CARM1: variants seen among roughly 807,000 people sequenced by gnomAD.
The protein encoded by CARM1 is coactivator associated arginine methyltransferase 1.
In CARM1, 14 loss-of-function variants were observed where a neutral mutation model predicts 72.7. That is an observed-to-expected ratio of 0.19 (90% confidence interval 0.13 to 0.30). CARM1 has a LOEUF of 0.30. CARM1 is among the 10% of genes least tolerant of loss of function. CARM1 has a pLI of 1.00. For synonymous variants in CARM1, 333 were observed against 345.5 expected (o/e 0.96, Z 0.40); for missense variants, 432 against 833.7 (o/e 0.52, Z 5.93).
At position 10,871,571 on chromosome 19, in the gene CARM1, TGCGGCGGCGGTAGCGGCAGCGGCGGCG is replaced by T. The variant is rs1480519717; in HGVS notation, c.-121_-95del. The stretch of plus-strand genomic sequence containing the variant: ...GCTCGGCCTCGGCCTGCACGGCGGC[TGCGGCGGCGGTAGCGGCAGCGGCGGCG>T]GCGGCGGCGGCGGCGGCGGCGGCGG... On this transcript the variant is annotated 5_prime_UTR_variant, in exon 1 of 16. Transcript: ENST00000327064. The surrounding 1 kb of genome is among the most constrained non-coding windows in gnomAD (Gnocchi z 5.6). 7.0e-5 allele frequency: 8 copies of T among 114,812 alleles called. No homozygotes were observed. The highest frequency in any genetic ancestry group is 1.2e-4 in the Non-Finnish European group (7 of 56,206). The allele number at this position is 114,812 out of a possible 1,614,324, so 7.1% of individuals were successfully genotyped here. A position where few individuals can be genotyped will look rare whatever the true frequency, so the allele number is the denominator to read the frequency against.
At position 10,915,759 on chromosome 19, in the gene CARM1, G is replaced by A. The variant is rs2074190935; in HGVS notation, c.848-648G>A. ...CTCCTTGGGGCAGGCGGGGCTGCGG[G>A]GCCCTGATCCTCCCTGCCACTGGCC... is the stretch of plus-strand genomic sequence containing the variant. On this transcript the variant is annotated intron_variant, in intron 6 of 15. Coordinates refer to ENST00000327064, the MANE Select transcript of CARM1 (RefSeq NM_199141.2). The surrounding 1 kb of genome is among the most constrained non-coding windows in gnomAD (Gnocchi z 4.6). Among the ~76,000 whole-genome samples the A allele has an allele frequency of 1.3e-5, 2 of 152,136 alleles. No individual in the cohort carries two copies. Among genetic ancestry groups the A allele is most frequent in the Admixed American group, 6.5e-5 (1 of 15,272 alleles).
At chr19:10,914,163 G>A (rs1343619556) in intron 6 of CARM1, 109 bp downstream of exon 6, 4 of 1,144,926 alleles carry the variant, frequency 3.5e-6, no homozygotes, top group Non-Finnish European at 4.9e-6. Context: ...GGCCCGGGGT[G>A]TAGGGAAGCC....
intron 6 of CARM1, among the ~76,000 whole-genome samples, chr19:10,914,524 C>T (rs1329920111): frequency 2.0e-5 from 3 of 152,158 alleles, no homozygotes; most frequent in Non-Finnish European, 4.4e-5. Flanking sequence ...ACTTCCCATC[C>T]GTGCCTCTGG....
At chr19:10,921,254 C>A in intron 14 of CARM1, 121 bp from the exon 15 acceptor site, 1 of 1,432,484 alleles carries the variant, frequency 7.0e-7, no homozygotes, top group Non-Finnish European at 9.8e-7. Flanking sequence ...TTCCTGGGGG[C>A]TCTCGGCCGA....
In CARM1 at chr19:10,911,012, G is replaced by A. The variant is rs574437405; in HGVS notation, c.559-1172G>A. On this transcript the variant is annotated intron_variant, in intron 4 of 15. Coordinates refer to ENST00000327064, the MANE Select transcript of CARM1 (RefSeq NM_199141.2). ...TTCAAGCGATTTTTGTGCCTCAGCC[G>A]GCCAAGTAGCTGGGATTACAGTCAT... Among the ~76,000 whole-genome samples, 631 of 151,986 alleles carry A rather than the reference G, an allele frequency of 4.2e-3. 6 individuals are homozygous for A. Among genetic ancestry groups the A allele is most frequent in the African/African-American group, 0.015 (602 of 41,454 alleles).
At chr19:10,876,169 G>A (rs945771225) in intron 1 of CARM1, among the ~76,000 whole-genome samples, 1 of 152,008 alleles carries the variant, frequency 6.6e-6, no homozygotes, top group African/African-American at 2.4e-5. Flanking sequence ...GTGAGCCACC[G>A]CCACCAGCCT....
At position 10,905,067 on chromosome 19, in the gene CARM1, A is replaced by G. The variant is rs376207660; in HGVS notation, c.337A>G (p.Thr113Ala). Reference sequence around the variant, plus strand: ...CAACAGCGTCCTCATCCAGTTCGCCACACCCAACGGTACGTGGCCCTCCTT... The same window carrying G: ...CAACAGCGTCCTCATCCAGTTCGCCGCACCCAACGGTACGTGGCCCTCCTT... ...GCNSVLIQFA[T>A]PNDFCSFYNI... Residue 113 changes from threonine to alanine, a missense_variant, in exon 2 of 16, where the codon ACA (threonine) becomes GCA (alanine). By Grantham distance (58) the Thr-to-Ala change is moderately conservative. Around this residue, in one of 3 missense-constraint regions of CARM1, gnomAD observed 138 missense variants for 192.3 expected, o/e 0.72. Transcript: ENST00000327064. 6.2e-7 allele frequency: 1 copy of G among 1,613,756 alleles called. No homozygotes were observed. Among genetic ancestry groups the G allele is most frequent in the Non-Finnish European group, 8.5e-7 (1 of 1,179,988 alleles).
Position 10,917,811 on chromosome 19 carries a change from G to C in CARM1, c.1020+1034G>C, listed in dbSNP as rs1007901086. 2.0e-5 allele frequency among the ~76,000 whole-genome samples: 3 copies of C among 147,750 alleles called. No homozygotes were observed. In the East Asian group the frequency reaches 6.2e-4, roughly 31 times the overall value. ...CAGCTCACTGCAACCTCCACTTTCC[G>C]GGCTCAAGCGATTCTCAGACTCCTG... On this transcript the variant is annotated intron_variant, in intron 8 of 15. Coordinates refer to ENST00000327064, the MANE Select transcript of CARM1 (RefSeq NM_199141.2).
intron 1 of CARM1, 22 bp from the exon 2 acceptor site, chr19:10,904,929 G>A (rs745662301): frequency 3.5e-5 from 56 of 1,613,090 alleles, no homozygotes; most frequent in East Asian, 4.5e-5. Context: ...CACCGCTCAC[G>A]CCAGCCTGTC....
At chr19:10,880,700 C>T (rs1267452870) in intron 1 of CARM1, among the ~76,000 whole-genome samples, 3 of 152,108 alleles carry the variant, frequency 2.0e-5, no homozygotes, top group African/African-American at 7.2e-5. Context: ...CCCCTGGGGG[C>T]GGTCCCATGA....
intron 1 of CARM1, among the ~76,000 whole-genome samples, chr19:10,872,509 C>T (rs1337770448): frequency 6.6e-6 from 1 of 152,082 alleles, no homozygotes; most frequent in African/African-American, 2.4e-5. Context: ...GGAGAGGGCC[C>T]ATGCGGGGAC....
In CARM1 at chr19:10,871,985, G is replaced by T; in HGVS notation, c.220+63G>T. On this transcript the variant is annotated intron_variant, in intron 1 of 15. Transcript: ENST00000327064. This position sits in a 1 kb window ranked among gnomAD's most constrained non-coding sequence, Gnocchi z 5.6. ...CTGCTCACGAGGCCGGCCCGGGGCGGGGGCCGGCGGGGAGGGGCCCTGAGC... is the reference window on the plus strand; with the variant it reads ...CTGCTCACGAGGCCGGCCCGGGGCGTGGGCCGGCGGGGAGGGGCCCTGAGC... 1 of 1,148,766 alleles carries T rather than the reference G, an allele frequency of 8.7e-7. No homozygotes were observed. The highest frequency in any genetic ancestry group is 1.1e-6 in the Non-Finnish European group (1 of 931,404). The allele number at this position is 1,148,766 out of a possible 1,614,324, so 71.2% of individuals were successfully genotyped here. A position where few individuals can be genotyped will look rare whatever the true frequency, so the allele number is the denominator to read the frequency against.
intron 1 of CARM1, among the ~76,000 whole-genome samples, chr19:10,890,231 A>C (rs1324327303): frequency 6.6e-6 from 1 of 151,636 alleles, no homozygotes; most frequent in East Asian, 1.9e-4. Flanking sequence ...TACAAAAAAT[A>C]TAAAAATTAG....
rs1415508590 is a variant in CARM1 at position 10,920,491 on chromosome 19, G to C, written c.1252G>C (p.Val418Leu). 6.2e-7 allele frequency: 1 copy of C among 1,613,830 alleles called. No individual in the cohort carries two copies. The highest frequency in any genetic ancestry group is 8.5e-7 in the Non-Finnish European group (1 of 1,179,818). The stretch of plus-strand genomic sequence containing the variant: ...AGAGCCCCTGACCCACTGGTACCAG[G>C]TGCGGTGCCTGTTCCAGTCACCACT... ...PTEPLTHWYQ[V>L]RCLFQSPLFA... Residue 418 changes from valine to leucine, a missense_variant, in exon 11 of 16, where the codon GTG becomes CTG. Physicochemically the swap from Val to Leu is conservative, Grantham distance 32. Around this residue, in one of 3 missense-constraint regions of CARM1, gnomAD observed 152 missense variants for 452.8 expected, o/e 0.34. Coordinates refer to ENST00000327064, the MANE Select transcript of CARM1 (RefSeq NM_199141.2). This position sits in a 1 kb window ranked among gnomAD's most constrained non-coding sequence, Gnocchi z 5.3.
Position 10,921,808 on chromosome 19 carries a change from C to A in CARM1, c.*51C>A, listed in dbSNP as rs542468896. On this transcript the variant is annotated 3_prime_UTR_variant, in exon 16 of 16. Coordinates refer to ENST00000327064, the MANE Select transcript of CARM1 (RefSeq NM_199141.2). Reference sequence around the variant, plus strand: ...CCAGGAAACCAAATGATGTCCCTGCCCGCCGCCCCCGCCGGGCGGCTTTCC... The same window carrying A: ...CCAGGAAACCAAATGATGTCCCTGCACGCCGCCCCCGCCGGGCGGCTTTCC... 1 of 1,520,974 alleles carries A rather than the reference C, an allele frequency of 6.6e-7. No homozygotes were observed. Among genetic ancestry groups the A allele is most frequent in the Non-Finnish European group, 8.9e-7 (1 of 1,128,388 alleles). The allele number at this position is 1,520,974 out of a possible 1,614,324, so 94.2% of individuals were successfully genotyped here.
intron 6 of CARM1, among the ~76,000 whole-genome samples, chr19:10,914,400 C>T (rs370885593): frequency 6.6e-6 from 1 of 152,218 alleles, no homozygotes; most frequent in South Asian, 2.1e-4. Context: ...ACAAGCCCTG[C>T]TCTCCTCACA....
intron 1 of CARM1, among the ~76,000 whole-genome samples, chr19:10,899,419 G>A (rs1252866883): frequency 6.6e-6 from 1 of 152,254 alleles, no homozygotes; most frequent in Non-Finnish European, 1.5e-5. Flanking sequence ...GTATGAGTGT[G>A]GGCACCATGC....
rs1170789330 is a variant in CARM1 at position 10,915,565 on chromosome 19, C to A, written c.848-842C>A. 6.6e-6 allele frequency among the ~76,000 whole-genome samples: 1 copy of A among 152,132 alleles called. No individual in the cohort carries two copies. The highest frequency in any genetic ancestry group is 6.5e-5 in the Admixed American group (1 of 15,278). ...CATGGTGCCCCCAGGTCCCCCAGGGCAGAAGCCGCAGCATGTGCATCTCCC... is the reference window on the plus strand; with the variant it reads ...CATGGTGCCCCCAGGTCCCCCAGGGAAGAAGCCGCAGCATGTGCATCTCCC... On this transcript the variant is annotated intron_variant, in intron 6 of 15. Coordinates refer to ENST00000327064, the MANE Select transcript of CARM1 (RefSeq NM_199141.2). The surrounding 1 kb of genome is among the most constrained non-coding windows in gnomAD (Gnocchi z 4.6).
rs990324055 is a variant in CARM1, at chr19:10,920,035, C to T, written c.1196+69C>T. On this transcript the variant is annotated intron_variant, in intron 10 of 15. Coordinates refer to ENST00000327064, the MANE Select transcript of CARM1 (RefSeq NM_199141.2). The surrounding 1 kb of genome is among the most constrained non-coding windows in gnomAD (Gnocchi z 5.3). The stretch of plus-strand genomic sequence containing the variant: ...AGGGCTTCCTGCAGCTGCAACCTGG[C>T]TGGGGGGGTGGAACATGGCTCCAGG... 7.2e-5 allele frequency: 90 copies of T among 1,242,846 alleles called. No homozygotes were observed. The highest frequency in any genetic ancestry group is 1.0e-4 in the Non-Finnish European group (86 of 852,494). 77.0% of individuals were successfully genotyped at this position (1,242,846 alleles called of 1,614,324 possible). A position where few individuals can be genotyped will look rare whatever the true frequency, so the allele number is the denominator to read the frequency against.
Sources: allele counts gnomAD v4.1 joint callset (sites outside exome capture counted in the v4.1 genomes callset), GRCh38; gene constraint gnomAD v4.1.1; regional missense constraint gnomAD v4.1.1; non-coding constraint Gnocchi (gnomAD v3.1); transcripts MANE v1.5; gene names NCBI Gene and HGNC (gene_info 2026-07-23, HGNC 2026-07-21).